TMEM41A: variants seen among roughly 807,000 people sequenced by gnomAD.
TMEM41A encodes the protein transmembrane protein 41A.
TMEM41A carries 20 observed loss-of-function variants against 25.7 expected under a neutral mutation model. The observed-to-expected ratio is 0.78, with a 90% CI of 0.55 to 1.13. The LOEUF is 1.13. TMEM41A is among the 50% of genes most tolerant of loss of function. The pLI is 0.00. For missense variants in TMEM41A, 299 were observed against 314.3 expected (o/e 0.95, Z 0.37); for synonymous variants, 133 against 139.6 (o/e 0.95, Z 0.33).
intron 1 of TMEM41A, 72 bp from the exon 2 acceptor site, chr3:185,497,053 GTCT>G (rs1719125113): frequency 6.6e-7 from 1 of 1,509,994 alleles, no homozygotes; most frequent in Middle Eastern, 2.4e-4. Context: ...CACTCGCTGT[GTCT>G]TCTTTTCAGA....
intron 2 of TMEM41A, 26 bp downstream of exon 2, chr3:185,496,802 G>C: frequency 1.9e-6 from 3 of 1,594,402 alleles, no homozygotes; most frequent in Non-Finnish European, 2.6e-6. Context: ...AAGGAAACAG[G>C]GTTGGAGGGA....
chr3:185,497,778 G>A (rs1203487197), intron 1 of TMEM41A, among the ~76,000 whole-genome samples: 2 of 152,180 alleles, frequency 1.3e-5, no homozygotes, highest in Non-Finnish European at 2.9e-5. Flanking sequence ...AGCCTTCTTA[G>A]CTACAGCAAA....
At position 185,490,401 on chromosome 3, in the gene TMEM41A, G is replaced by A. The variant is rs1718910674; in HGVS notation, c.*1136C>T. The stretch of plus-strand genomic sequence containing the variant: ...GCATGACACAGAACGGATTCCTGCA[G>A]AAAGGACAGATAAAATGTTTGCCTG... On this transcript the variant is annotated 3_prime_UTR_variant, in exon 5 of 5. Coordinates refer to ENST00000421852, the MANE Select transcript of TMEM41A (RefSeq NM_080652.4). The A allele has an allele frequency of 6.6e-6, 1 of 152,204 alleles. No individual in the cohort carries two copies. Among genetic ancestry groups the A allele is most frequent in the Non-Finnish European group, 1.5e-5 (1 of 68,056 alleles). The allele number at this position is 152,204 out of a possible 1,614,324, so 9.4% of individuals were successfully genotyped here. A position where few individuals can be genotyped will look rare whatever the true frequency, so the allele number is the denominator to read the frequency against.
intron 1 of TMEM41A, among the ~76,000 whole-genome samples, chr3:185,498,013 T>C (rs975700655): frequency 6.6e-6 from 1 of 151,682 alleles, no homozygotes; most frequent in Non-Finnish European, 1.5e-5. Context: ...TCCCAACACT[T>C]TGGGAGGCTG....
chr3:185,496,476 C>T, intron 2 of TMEM41A: 1 of 350,910 alleles, frequency 2.8e-6, no homozygotes, highest in Non-Finnish European at 5.6e-6. Context: ...CACAGGGCAG[C>T]CTCAAGGAGT....
At chr3:185,497,133 C>T (rs1299683881) in intron 1 of TMEM41A, 152 bp from the exon 2 acceptor site, 3 of 1,071,376 alleles carry the variant, frequency 2.8e-6, no homozygotes, top group African/African-American at 3.2e-5. Flanking sequence ...GACAGATGAC[C>T]TGATACGACG....
chr3:185,493,246 T>A (rs1719008677), intron 4 of TMEM41A: 1 of 152,222 alleles, frequency 6.6e-6, no homozygotes, highest in African/African-American at 2.4e-5. Context: ...AACACTGCTC[T>A]AGTCCCAGCC....
At position 185,491,505 on chromosome 3, in the gene TMEM41A, A is replaced by T; in HGVS notation, c.*32T>A. ...CATCCATTACACAAATAAGCAACTGAGTCCAGGGATGTGGCAAACAGAAAA... is the reference window on the plus strand; with the variant it reads ...CATCCATTACACAAATAAGCAACTGTGTCCAGGGATGTGGCAAACAGAAAA... On this transcript the variant is annotated 3_prime_UTR_variant, in exon 5 of 5. Coordinates refer to ENST00000421852, the MANE Select transcript of TMEM41A (RefSeq NM_080652.4). 3 of 1,567,292 alleles carry T rather than the reference A, an allele frequency of 1.9e-6. No homozygotes were observed. The highest frequency in any genetic ancestry group is 2.6e-6 in the Non-Finnish European group (3 of 1,140,404).
At chr3:185,498,742 C>T in intron 1 of TMEM41A, 101 bp downstream of exon 1, 1 of 891,334 alleles carries the variant, frequency 1.1e-6, no homozygotes, top group East Asian at 2.8e-5. Flanking sequence ...TTCCCAACGC[C>T]TCCGATACCG....
chr3:185,494,982 C>T, intron 3 of TMEM41A, 172 bp downstream of exon 3: 1 of 955,758 alleles, frequency 1.0e-6, no homozygotes, highest in Non-Finnish European at 1.5e-6. Context: ...AATGATGGAG[C>T]TGGGATTTGA....
Position 185,496,899 on chromosome 3 carries a change from A to T in TMEM41A, c.202T>A (p.Tyr68Asn). 1 of 1,606,008 alleles carries T rather than the reference A, an allele frequency of 6.2e-7. No homozygotes were observed. The highest frequency in any genetic ancestry group is 1.1e-5 in the South Asian group (1 of 88,820). ...GCGCCGCAGAAGAGCAGGAACACGTAGGCCTGGTGCTCCTTCCGGTACTCT... is the reference window on the plus strand; with the variant it reads ...GCGCCGCAGAAGAGCAGGAACACGTTGGCCTGGTGCTCCTTCCGGTACTCT... ...LREYRKEHQA[Y>N]VFLLFCGAYL... is the part of the protein sequence containing the mutation. Residue 68 changes from tyrosine (Y) to asparagine (N), a missense_variant, in exon 2 of 5, where the codon TAC (tyrosine) becomes AAC (asparagine). By Grantham distance (143) the Tyr-to-Asn change is moderately radical (BLOSUM62 -2). Coordinates refer to ENST00000421852, the MANE Select transcript of TMEM41A (RefSeq NM_080652.4).
intron 1 of TMEM41A, chr3:185,498,555 C>A (rs916695429): frequency 9.3e-6 from 3 of 321,198 alleles, no homozygotes; most frequent in African/African-American, 2.2e-5. Flanking sequence ...GCGTCTCCCT[C>A]GGCAAATCCA....
rs188105150 is a variant in TMEM41A at position 185,498,775 on chromosome 3, G to T, written c.119+68C>A. ...CCGGAACCCGAATCTCCGAATCTCCGATTCCCAGCCCCGGTCCTCGGACCC... is the reference window on the plus strand; with the variant it reads ...CCGGAACCCGAATCTCCGAATCTCCTATTCCCAGCCCCGGTCCTCGGACCC... On this transcript the variant is annotated intron_variant, in intron 1 of 4. Coordinates refer to ENST00000421852, the MANE Select transcript of TMEM41A (RefSeq NM_080652.4). 1.0e-5 allele frequency: 12 copies of T among 1,196,284 alleles called. No homozygotes were observed. In the Admixed American group the frequency reaches 2.6e-4, roughly 26 times the overall value. 74.1% of individuals were successfully genotyped at this position (1,196,284 alleles called of 1,614,324 possible). A position where few individuals can be genotyped will look rare whatever the true frequency, so the allele number is the denominator to read the frequency against.
intron 4 of TMEM41A, 132 bp from the exon 5 acceptor site, chr3:185,491,889 T>G: frequency 1.7e-6 from 1 of 594,770 alleles, no homozygotes; most frequent in Non-Finnish European, 2.9e-6. Flanking sequence ...ACATATTAAC[T>G]CTTTCCCTTC....
intron 1 of TMEM41A, chr3:185,498,355 G>A (rs1289520517): frequency 6.5e-6 from 1 of 153,060 alleles, no homozygotes; most frequent in Non-Finnish European, 1.5e-5. Flanking sequence ...AGTTGTCTAT[G>A]CAATATTTCT....
chr3:185,491,424 G>A lies in TMEM41A; in HGVS notation c.*113C>T. ...AAAAGACACTGCACATTGATGCACAGTGTCCACATCACCTATAGAAGGCAA... is the reference window on the plus strand; with the variant it reads ...AAAAGACACTGCACATTGATGCACAATGTCCACATCACCTATAGAAGGCAA... On this transcript the variant is annotated 3_prime_UTR_variant, in exon 5 of 5. Coordinates refer to ENST00000421852, the MANE Select transcript of TMEM41A (RefSeq NM_080652.4). 2 of 759,324 alleles carry A rather than the reference G, an allele frequency of 2.6e-6. No homozygotes were observed. Among genetic ancestry groups the A allele is most frequent in the Non-Finnish European group, 4.4e-6 (2 of 455,332 alleles). The allele number at this position is 759,324 out of a possible 1,614,324, so 47.0% of individuals were successfully genotyped here. A position where few individuals can be genotyped will look rare whatever the true frequency, so the allele number is the denominator to read the frequency against.
rs41268597 is a variant in TMEM41A, at chr3:185,494,767, G to A, written c.436-6C>T. ...CTGTTTCTGTTCTCCTCCACCTGTA[G>A]CCAAAGAGAAGAAAGCTGTTAAGAA... On this transcript the variant is annotated splice_polypyrimidine_tract_variant and splice_region_variant and intron_variant, in intron 3 of 4. Coordinates refer to ENST00000421852, the MANE Select transcript of TMEM41A (RefSeq NM_080652.4). 6.3e-7 allele frequency: 1 copy of A among 1,597,034 alleles called. No homozygotes were observed. Among genetic ancestry groups the A allele is most frequent in the Non-Finnish European group, 8.5e-7 (1 of 1,174,514 alleles).
rs907730073 is a variant in TMEM41A, at chr3:185,491,305, A to G, written c.*232T>C. 9 of 416,862 alleles carry G rather than the reference A, an allele frequency of 2.2e-5. No individual in the cohort carries two copies. The highest frequency in any genetic ancestry group is 3.9e-5 in the Non-Finnish European group (9 of 229,282). 25.8% of individuals were successfully genotyped at this position (416,862 alleles called of 1,614,324 possible). ...GCCACCGCGCCCGGCCACAAACAGC[A>G]TTTTCTAGGAGGCATCTGTTGCAGT... On this transcript the variant is annotated 3_prime_UTR_variant, in exon 5 of 5. Coordinates refer to ENST00000421852, the MANE Select transcript of TMEM41A (RefSeq NM_080652.4).
Position 185,496,906 on chromosome 3 carries a change from G to C in TMEM41A, c.195C>G (p.His65Gln). The C allele has an allele frequency of 6.2e-7, 1 of 1,605,476 alleles. No homozygotes were observed. The highest frequency in any genetic ancestry group is 1.7e-4 in the Middle Eastern group (1 of 5,972). The part of the protein sequence containing the change: ...SEVLREYRKE[H>Q]QAYVFLLFCG... ...AGAAGAGCAGGAACACGTAGGCCTG[G>C]TGCTCCTTCCGGTACTCTCGAAGGA... The change falls in exon 2 of 5, where the codon CAC becomes CAG. Residue 65 changes from histidine to glutamine, a missense_variant. Transcript: ENST00000421852.
Sources: allele counts gnomAD v4.1 joint callset (sites outside exome capture counted in the v4.1 genomes callset), GRCh38; gene constraint gnomAD v4.1.1; transcripts MANE v1.5; gene names NCBI Gene and HGNC (gene_info 2026-07-23, HGNC 2026-07-21).